The following NRXN1 variants were observed in gnomAD, a reference collection of about 807,000 sequenced individuals.
The protein encoded by NRXN1 is neurexin-1.
A neutral mutation model predicts 150.9 loss-of-function variants in NRXN1; 39 were observed. The ratio of observed to expected loss-of-function variants is 0.26; its 90% confidence interval spans 0.20 to 0.34. The LOEUF is 0.34. Among genes scored for constraint, NRXN1 ranks in the 10% least tolerant of loss-of-function variants. The probability of loss-of-function intolerance (pLI) is 1.00; values close to 1 mark genes in which losing one functional copy is unlikely to be tolerated. For missense variants in NRXN1, 1,815 were observed against 1,949.9 expected, an observed-to-expected ratio of 0.93 and a Z score of 1.30; for synonymous variants, 924 against 757.0, an observed-to-expected ratio of 1.22 and a Z score of -3.62.
At chr2:50,630,049 T>C (rs1234574981) in intron 5 of NRXN1, among the ~76,000 whole-genome samples, 1 of 151,648 alleles carries the variant, frequency 6.6e-6, no homozygotes, top group Non-Finnish European at 1.5e-5. Context: ...TGATTTTATG[T>C]TGCCACACAG....
chr2:50,807,416 C>G (rs998057419), intron 5 of NRXN1, among the ~76,000 whole-genome samples: 1 of 151,982 alleles, frequency 6.6e-6, no homozygotes, highest in Non-Finnish European at 1.5e-5. Flanking sequence ...GATTATAACT[C>G]TTTTTTTACA....
At position 50,497,234 on chromosome 2, in the gene NRXN1, C is replaced by T. The variant is rs568094755; in HGVS notation, c.2879+99G>A. 18 of 905,406 alleles carry T rather than the reference C, an allele frequency of 2.0e-5. No individual in the cohort carries two copies. The South Asian group carries it at 5.0e-4, about 25-fold the overall frequency. 56.1% of individuals were successfully genotyped at this position (905,406 alleles called of 1,614,324 possible). On this transcript the variant is annotated intron_variant, in intron 14 of 22. Transcript: ENST00000401669. ...TCCTCCACCTGCTCCGGCCCACCAC[C>T]TTATGAGCCAGTATGTTCTTCTTAG...
At chr2:50,575,693 A>G (rs1671337748) in intron 8 of NRXN1, among the ~76,000 whole-genome samples, 1 of 152,110 alleles carries the variant, frequency 6.6e-6, no homozygotes, top group Admixed American at 6.6e-5. Flanking sequence ...CTGGATACCC[A>G]TTTCATAAGG....
intron 18 of NRXN1, among the ~76,000 whole-genome samples, chr2:50,103,849 A>C (rs1393069923): frequency 2.2e-5 from 3 of 134,166 alleles, no homozygotes; most frequent in Non-Finnish European, 4.7e-5. Context: ...AGCAATGTCA[A>C]CTTAGCAGCC....
chr2:49,951,293 G>C (rs1206865282), intron 21 of NRXN1, among the ~76,000 whole-genome samples: 1 of 151,822 alleles, frequency 6.6e-6, no homozygotes, highest in African/African-American at 2.4e-5. Flanking sequence ...CTACAAATAA[G>C]GAACCTGCTG....
At chr2:50,351,774 C>T (rs998692462) in intron 17 of NRXN1, among the ~76,000 whole-genome samples, 1 of 152,126 alleles carries the variant, frequency 6.6e-6, no homozygotes, top group Non-Finnish European at 1.5e-5. Flanking sequence ...TTCTTAGTCA[C>T]TTAATTCTGA....
chr2:50,387,748 A>G (rs1388618430), intron 17 of NRXN1, among the ~76,000 whole-genome samples: 1 of 152,172 alleles, frequency 6.6e-6, no homozygotes, highest in East Asian at 1.9e-4. Context: ...ATTTTCAAAA[A>G]AAACAGGTCC....
intron 5 of NRXN1, among the ~76,000 whole-genome samples, chr2:50,725,675 C>A (rs1574254979): frequency 6.6e-6 from 1 of 152,158 alleles, no homozygotes; most frequent in Admixed American, 6.5e-5. Flanking sequence ...TGAGGTTATT[C>A]TATTAAATAA....
intron 17 of NRXN1, among the ~76,000 whole-genome samples, chr2:50,305,182 A>T (rs1476443237): frequency 6.6e-6 from 1 of 152,218 alleles, no homozygotes; most frequent in Non-Finnish European, 1.5e-5. Context: ...AAACAAGTGA[A>T]GACTTTTAAA....
intron 5 of NRXN1, among the ~76,000 whole-genome samples, chr2:50,877,165 C>T (rs1241810508): frequency 6.6e-6 from 1 of 151,588 alleles, no homozygotes; most frequent in Non-Finnish European, 1.5e-5. Context: ...AATACACACA[C>T]ATCCCCAACA....
At chr2:50,668,747 C>T (rs1688422649) in intron 5 of NRXN1, among the ~76,000 whole-genome samples, 1 of 151,930 alleles carries the variant, frequency 6.6e-6, no homozygotes, top group Admixed American at 6.6e-5. Flanking sequence ...GATTCCTCCT[C>T]CTCCTGGTTA....
Position 50,434,043 on chromosome 2 carries a change from ATTTTTTTTTTTTTTT to A in NRXN1, c.3364+31384_3364+31398del, listed in dbSNP as rs748364051. Among the ~76,000 whole-genome samples, 21 of 72,142 alleles carry A rather than the reference ATTTTTTTTTTTTTTT, an allele frequency of 2.9e-4. 1 individual carries two copies. Among genetic ancestry groups the A allele is most frequent in the Admixed American group, 1.9e-3 (11 of 5,870 alleles). 47.3% of individuals were successfully genotyped at this position (72,142 alleles called of 152,430 possible). A position where few individuals can be genotyped will look rare whatever the true frequency, so the allele number is the denominator to read the frequency against. On this transcript the variant is annotated intron_variant, in intron 17 of 22. Coordinates refer to ENST00000401669, the MANE Select transcript of NRXN1 (RefSeq NM_001330078.2). ...ACTCCTTGCTTCCGGTATCTAAGCCATTTTTTTTTTTTTTTTTTTTTTTTTTTTTTTGAGACGGAG... is the reference window on the plus strand; with the variant it reads ...ACTCCTTGCTTCCGGTATCTAAGCCATTTTTTTTTTTTTTTTGAGACGGAG...
chr2:50,095,132 G>C (rs1160265298), intron 18 of NRXN1, among the ~76,000 whole-genome samples: 1 of 152,188 alleles, frequency 6.6e-6, no homozygotes, highest in Non-Finnish European at 1.5e-5. Flanking sequence ...TGTGGCTGAA[G>C]CAGGGATAAT....
intron 17 of NRXN1, among the ~76,000 whole-genome samples, chr2:50,266,660 A>G (rs984257626): frequency 1.3e-5 from 2 of 151,806 alleles, no homozygotes; most frequent in African/African-American, 2.4e-5. Context: ...GCAGCAAGTT[A>G]GTTGTCAATA....
chr2:50,483,134 C>G (rs889231867), intron 15 of NRXN1, among the ~76,000 whole-genome samples: 1 of 150,922 alleles, frequency 6.6e-6, no homozygotes, highest in South Asian at 2.1e-4. Flanking sequence ...GCTCACTGCT[C>G]ACTATATGCT....
intron 17 of NRXN1, among the ~76,000 whole-genome samples, chr2:50,455,348 C>T (rs1169196908): frequency 1.3e-5 from 2 of 152,250 alleles, no homozygotes; most frequent in Non-Finnish European, 2.9e-5. Flanking sequence ...ACTCAGATAC[C>T]GTAGGCACTG....
At chr2:50,539,763 G>C (rs1476938978) in intron 9 of NRXN1, among the ~76,000 whole-genome samples, 1 of 152,180 alleles carries the variant, frequency 6.6e-6, no homozygotes, top group Non-Finnish European at 1.5e-5. Context: ...GAAAAGGTCT[G>C]ATAGCATGCT....
chr2:50,862,384 G>C (rs1676267528), intron 5 of NRXN1, among the ~76,000 whole-genome samples: 1 of 151,920 alleles, frequency 6.6e-6, no homozygotes, highest in African/African-American at 2.4e-5. Context: ...TATGTCAGGG[G>C]GTTCCTACAT....
intron 5 of NRXN1, among the ~76,000 whole-genome samples, chr2:50,884,095 C>T (rs1679863583): frequency 6.6e-6 from 1 of 151,752 alleles, no homozygotes; most frequent in African/African-American, 2.4e-5. Flanking sequence ...AATGTTACTT[C>T]AAAACTTTTG....
Sources: allele counts gnomAD v4.1 joint callset (sites outside exome capture counted in the v4.1 genomes callset), GRCh38; gene constraint gnomAD v4.1.1; transcripts MANE v1.5; gene names NCBI Gene and HGNC (gene_info 2026-07-23, HGNC 2026-07-21).